The following ARAP2 variants were observed in gnomAD, a reference collection of about 807,000 sequenced individuals.
The protein encoded by ARAP2 is arf-GAP with Rho-GAP domain, ANK repeat and PH domain-containing protein 2.
A neutral mutation model predicts 194.5 loss-of-function variants in ARAP2; 148 were observed. The ratio of observed to expected loss-of-function variants is 0.76; its 90% CI spans 0.67 to 0.87. The LOEUF (loss-of-function observed/expected upper bound fraction) is 0.87, where lower values mean the gene tolerates loss of function less well. Among genes scored for constraint, ARAP2 ranks in the 40% least tolerant of loss-of-function variants. The pLI, the probability that ARAP2 is intolerant of heterozygous loss-of-function variation, is 0.00. For synonymous variants in ARAP2, 695 were observed against 683.5 expected, an observed-to-expected ratio of 1.02 and a Z score of -0.26; for missense variants, 2,128 against 1,989.7, an observed-to-expected ratio of 1.07 and a Z score of -1.32.
At chr4:36,019,876 T>C (rs1716586460) in intron 5 of ARAP2, among the ~76,000 whole-genome samples, 1 of 152,182 alleles carries the variant, frequency 6.6e-6, no homozygotes, top group South Asian at 2.1e-4. Flanking sequence ...TCTCTCCTTA[T>C]GCAAGAGAGC....
At chr4:36,127,705 A>G (rs1724296107) in intron 21 of ARAP2, among the ~76,000 whole-genome samples, 1 of 151,976 alleles carries the variant, frequency 6.6e-6, no homozygotes, top group Non-Finnish European at 1.5e-5. Flanking sequence ...ACCTAGAACA[A>G]GAGAGAAATA....
chr4:36,223,111 T>C (rs961757800), intron 2 of ARAP2, among the ~76,000 whole-genome samples: 4 of 152,112 alleles, frequency 2.6e-5, no homozygotes, highest in Non-Finnish European at 5.9e-5. Flanking sequence ...AGAAATCTTG[T>C]CATATGTAAA....
intron 30 of ARAP2, among the ~76,000 whole-genome samples, chr4:36,080,675 T>C (rs1315159239): frequency 6.6e-6 from 1 of 152,204 alleles, no homozygotes; most frequent in African/African-American, 2.4e-5. Context: ...ATCTTTCTTT[T>C]TAAAAGGCTG....
At chr4:36,093,312 G>A (rs1224463594) in intron 27 of ARAP2, among the ~76,000 whole-genome samples, 2 of 151,918 alleles carry the variant, frequency 1.3e-5, no homozygotes, top group Non-Finnish European at 2.9e-5. Flanking sequence ...CATGACCCAA[G>A]TTTACCTATG....
At chr4:36,155,803 A>G (rs190316692) in intron 15 of ARAP2, among the ~76,000 whole-genome samples, 1 of 152,148 alleles carries the variant, frequency 6.6e-6, no homozygotes, top group Admixed American at 6.5e-5. Context: ...ACAATAAAAA[A>G]TAAGGTTATA....
chr4:36,178,861 GT>G (rs1738579628), intron 8 of ARAP2, among the ~76,000 whole-genome samples: 1 of 152,116 alleles, frequency 6.6e-6, no homozygotes, highest in Non-Finnish European at 1.5e-5. Flanking sequence ...AACTATGGGG[GT>G]AAAAAAGAGG....
At chr4:36,107,927 G>A (rs1454728972) in intron 26 of ARAP2, among the ~76,000 whole-genome samples, 1 of 151,686 alleles carries the variant, frequency 6.6e-6, no homozygotes, top group African/African-American at 2.4e-5. Context: ...AATCATGCAG[G>A]AATACCTGTT....
chr4:36,140,097 C>G (rs1353175202), intron 19 of ARAP2, among the ~76,000 whole-genome samples: 1 of 143,886 alleles, frequency 6.9e-6, no homozygotes, highest in East Asian at 2.1e-4. Flanking sequence ...GATTGTAGAT[C>G]CAGATAAAAA....
intron 5 of ARAP2, among the ~76,000 whole-genome samples, chr4:36,027,591 C>T (rs1478625532): frequency 6.6e-6 from 1 of 151,880 alleles, no homozygotes; most frequent in South Asian, 2.1e-4. Flanking sequence ...ACAATAACTA[C>T]GATTGCCACT....
At position 36,124,170 on chromosome 4, in the gene ARAP2, C is replaced by T. The variant is rs115821230; in HGVS notation, c.3746+692G>A. Among the ~76,000 whole-genome samples the T allele has an allele frequency of 6.9e-3, 1,046 of 151,908 alleles. 9 individuals are homozygous for T. The highest frequency in any genetic ancestry group is 0.023 in the African/African-American group (938 of 41,518). On this transcript the variant is annotated intron_variant, in intron 22 of 32. Coordinates refer to ENST00000303965, the MANE Select transcript of ARAP2 (RefSeq NM_015230.4). ...ATTGTGAAACATTTCTAAATTGAGACTGCAAATAAGGTACTTTTAGTAAAA... is the reference window on the plus strand; with the variant it reads ...ATTGTGAAACATTTCTAAATTGAGATTGCAAATAAGGTACTTTTAGTAAAA...
chr4:36,179,386 A>T (rs1486747685), intron 8 of ARAP2, among the ~76,000 whole-genome samples: 1 of 152,250 alleles, frequency 6.6e-6, no homozygotes, highest in Non-Finnish European at 1.5e-5. Flanking sequence ...CCAGGCGAAG[A>T]AGGAGAATCC....
At chr4:36,133,180 G>C in intron 20 of ARAP2, 46 bp downstream of exon 20, 3 of 1,581,832 alleles carry the variant, frequency 1.9e-6, no homozygotes, top group Non-Finnish European at 2.6e-6. Flanking sequence ...CTGTAAGAAC[G>C]ATACAATCAG....
intron 27 of ARAP2, among the ~76,000 whole-genome samples, chr4:36,095,819 G>A (rs923461244): frequency 5.9e-5 from 9 of 152,002 alleles, no homozygotes; most frequent in Admixed American, 4.6e-4. Context: ...TAAAAAGAAA[G>A]AGAAACCTCA....
At chr4:36,152,890 T>TGC (rs960638854) in intron 15 of ARAP2, among the ~76,000 whole-genome samples, 1 of 152,204 alleles carries the variant, frequency 6.6e-6, no homozygotes, top group Non-Finnish European at 1.5e-5. Context: ...GAAACAAGAT[T>TGC]GCAGGTTCAT....
Position 36,073,725 on chromosome 4 carries a change from A to C in ARAP2, c.4707T>G (p.His1569Gln). 6.2e-7 allele frequency: 1 copy of C among 1,612,922 alleles called. No individual in the cohort carries two copies. The highest frequency in any genetic ancestry group is 1.1e-5 in the South Asian group (1 of 90,970). Residue 1569 changes from histidine to glutamine, a missense_variant, in exon 32 of 33, where the codon CAT becomes CAG. Coordinates refer to ENST00000303965, the MANE Select transcript of ARAP2 (RefSeq NM_015230.4). Reference sequence around the variant, plus strand: ...TCCGGGCCAAGGTTGCATTCCCCTCATGCTGTATAGGAATCAGAGGCAAAC... The same window carrying C: ...TCCGGGCCAAGGTTGCATTCCCCTCCTGCTGTATAGGAATCAGAGGCAAAC... ...IGGLPLIPIQ[H>Q]EGNATLARKN...
intron 7 of ARAP2, among the ~76,000 whole-genome samples, chr4:36,192,362 C>T (rs76353458): frequency 0.011 from 1,684 of 152,094 alleles, 23 homozygotes; most frequent in African/African-American, 0.038. Flanking sequence ...TAACTAAAAA[C>T]GTGAGAGGTC....
At chr4:36,075,604 A>AT (rs1353658321) in intron 31 of ARAP2, among the ~76,000 whole-genome samples, 2 of 151,982 alleles carry the variant, frequency 1.3e-5, no homozygotes, top group African/African-American at 2.4e-5. Context: ...TTCTCACAAC[A>AT]TTTTTTACCA....
At chr4:36,020,553 AG>A (rs1223827940) in intron 5 of ARAP2, among the ~76,000 whole-genome samples, 1 of 152,116 alleles carries the variant, frequency 6.6e-6, no homozygotes. Context: ...CTGGGATGGG[AG>A]GGATGGAGTG....
intron 9 of ARAP2, among the ~76,000 whole-genome samples, chr4:36,010,791 G>A (rs1714358475): frequency 6.6e-6 from 1 of 152,082 alleles, no homozygotes; most frequent in African/African-American, 2.4e-5. Context: ...TGACTTGCGG[G>A]ATATATGGTA....
Sources: allele counts gnomAD v4.1 joint callset (sites outside exome capture counted in the v4.1 genomes callset), GRCh38; gene constraint gnomAD v4.1.1; transcripts MANE v1.5; gene names NCBI Gene and HGNC (gene_info 2026-07-23, HGNC 2026-07-21).